The following LOXL2 variants were observed in gnomAD, a reference collection of about 807,000 sequenced individuals.
The protein encoded by LOXL2 is lysyl oxidase homolog 2.
Under a neutral mutation model 93.0 loss-of-function variants are expected in LOXL2, and 70 were observed. The observed-to-expected ratio is 0.75, with a 90% CI of 0.62 to 0.92. LOXL2 has a LOEUF of 0.92. LOXL2 is among the 40% of genes least tolerant of loss of function. The pLI, the probability that LOXL2 is intolerant of heterozygous loss-of-function variation, is 0.00. For synonymous variants in LOXL2, 438 were observed against 413.2 expected, an observed-to-expected ratio of 1.06 and a Z score of -0.73; for missense variants, 973 against 1,054.9, an observed-to-expected ratio of 0.92 and a Z score of 1.08.
chr8:23,312,905 T>A (rs1380969753), intron 9 of LOXL2, among the ~76,000 whole-genome samples: 1 of 130,164 alleles, frequency 7.7e-6, no homozygotes, highest in East Asian at 2.2e-4. Flanking sequence ...AAAACCCCAT[T>A]GTCTCAGCCC....
chr8:23,396,351 CAAAA>C (rs71548893), intron 1 of LOXL2, among the ~76,000 whole-genome samples: 3 of 142,492 alleles, frequency 2.1e-5, no homozygotes, highest in Non-Finnish European at 3.1e-5. Flanking sequence ...AACAAACAAA[CAAAA>C]AAACGAGAGA....
chr8:23,302,311 G>A (rs1803148003), intron 11 of LOXL2, 148 bp from the exon 12 acceptor site: 6 of 905,744 alleles, frequency 6.6e-6, no homozygotes, highest in Non-Finnish European at 1.0e-5. Flanking sequence ...TCTCATTTCA[G>A]TAGAACCCCC....
In LOXL2 at chr8:23,297,838, G is replaced by T; in HGVS notation, c.*205C>A. 1 of 539,448 alleles carries T rather than the reference G, an allele frequency of 1.9e-6. No individual in the cohort carries two copies. 33.4% of individuals were successfully genotyped at this position (539,448 alleles called of 1,614,324 possible). On this transcript the variant is annotated 3_prime_UTR_variant, in exon 14 of 14. Coordinates refer to ENST00000389131, the MANE Select transcript of LOXL2 (RefSeq NM_002318.3). ...ACCCCACCCCCGCAAGGCCTTCTCA[G>T]GCCCCAAGGGTCAGGTAGCAGCCCC...
intron 10 of LOXL2, among the ~76,000 whole-genome samples, chr8:23,308,312 C>T (rs4872102): frequency 1.3e-5 from 2 of 152,124 alleles, no homozygotes; most frequent in African/African-American, 2.4e-5. Flanking sequence ...GCTGATGTGT[C>T]GGTCTGCCAC....
At chr8:23,340,083 G>A (rs1790499742) in intron 4 of LOXL2, among the ~76,000 whole-genome samples, 1 of 152,182 alleles carries the variant, frequency 6.6e-6, no homozygotes, top group Non-Finnish European at 1.5e-5. Context: ...CTAAGAGTGT[G>A]GACCCTATAG....
At chr8:23,332,499 TACAC>T (rs374235477) in intron 5 of LOXL2, among the ~76,000 whole-genome samples, 7 of 33,194 alleles carry the variant, frequency 2.1e-4, no homozygotes, top group Admixed American at 4.7e-4. Context: ...CCCCCACTCA[TACAC>T]ACACATACAC....
intron 1 of LOXL2, among the ~76,000 whole-genome samples, chr8:23,379,172 C>A (rs1205503455): frequency 1.3e-5 from 2 of 152,206 alleles, no homozygotes; most frequent in Non-Finnish European, 1.5e-5. Context: ...CCCTCAGCTG[C>A]AGGTCTGTTG....
chr8:23,333,475 C>T lies in LOXL2; in HGVS notation c.892G>A (p.Val298Met), dbSNP rs770829542. The T allele has an allele frequency of 1.4e-5, 22 of 1,613,880 alleles. No homozygotes were observed. The highest frequency in any genetic ancestry group is 1.6e-4 in the Middle Eastern group (1 of 6,084). The change falls in exon 5 of 14, where the codon GTG becomes ATG. Residue 298 changes from valine (V) to methionine (M), a missense_variant. Physicochemically the swap from Val to Met is conservative, Grantham distance 21 (BLOSUM62 1). Coordinates refer to ENST00000389131, the MANE Select transcript of LOXL2 (RefSeq NM_002318.3). Reference protein sequence around the residue: ...NVTCENGLPAVVSCVPGQVFS... With the variant: ...NVTCENGLPAMVSCVPGQVFS... ...ACCTGCCCAGGCACACAACTCACCACGGCCGGTAGCCCATTCTCGCAGGTG... is the reference window on the plus strand; with the variant it reads ...ACCTGCCCAGGCACACAACTCACCATGGCCGGTAGCCCATTCTCGCAGGTG...
intron 3 of LOXL2, among the ~76,000 whole-genome samples, chr8:23,344,834 G>A (rs17089136): frequency 0.41 from 62,722 of 152,024 alleles, 14,057 homozygotes; most frequent in African/African-American, 0.6. Context: ...AAACTGGACC[G>A]TCTTCTCTTC....
intron 3 of LOXL2, among the ~76,000 whole-genome samples, chr8:23,347,489 C>T (rs1044757205): frequency 1.3e-4 from 20 of 151,946 alleles, no homozygotes; most frequent in African/African-American, 4.8e-4. Flanking sequence ...GAAACCTCGT[C>T]TCTACTAAAA....
chr8:23,333,675 G>A (rs7819977), intron 4 of LOXL2, 52 bp from the exon 5 acceptor site: 45,009 of 1,432,338 alleles, frequency 0.031, 2,410 homozygotes, highest in East Asian at 0.22. Context: ...CGCCTACCCC[G>A]ATTCCTTCTG....
At chr8:23,397,960 C>CAAAAAA (rs11295140) in intron 1 of LOXL2, among the ~76,000 whole-genome samples, 20 of 91,008 alleles carry the variant, frequency 2.2e-4, no homozygotes, top group Non-Finnish European at 2.6e-4. Context: ...GACTCTGTCT[C>CAAAAAA]AAAAAAAAAA....
At chr8:23,324,252 C>G (rs1044542945) in intron 6 of LOXL2, among the ~76,000 whole-genome samples, 2 of 152,070 alleles carry the variant, frequency 1.3e-5, no homozygotes, top group Non-Finnish European at 2.9e-5. Context: ...GCTGTCTCAG[C>G]CATCTGGGGT....
At position 23,341,139 on chromosome 8, in the gene LOXL2, G is replaced by T; in HGVS notation, c.596C>A (p.Thr199Asn). 2 of 1,613,928 alleles carry T rather than the reference G, an allele frequency of 1.2e-6. No homozygotes were observed. Among genetic ancestry groups the T allele is most frequent in the Middle Eastern group, 1.7e-4 (1 of 5,874 alleles). ...CTCCACGTAGCCCTCCATCACTGGG[G>T]TGCGCTTGCGGTAGGTTGAGAGGAT... ...RAILSTYRKRTPVMEGYVEVK... is the reference protein window; with the variant it reads ...RAILSTYRKRNPVMEGYVEVK... Residue 199 changes from threonine to asparagine, a missense_variant, in exon 4 of 14, where the codon ACC becomes AAC. Thr to Asn is a moderately conservative substitution (Grantham distance 65, BLOSUM62 0). Coordinates refer to ENST00000389131, the MANE Select transcript of LOXL2 (RefSeq NM_002318.3).
intron 4 of LOXL2, among the ~76,000 whole-genome samples, chr8:23,339,633 T>A (rs1027153944): frequency 3.9e-5 from 6 of 152,068 alleles, no homozygotes; most frequent in Non-Finnish European, 7.4e-5. Flanking sequence ...GTAGGAAGCC[T>A]GCCAGGGAGG....
At chr8:23,345,067 A>G (rs570389994) in intron 3 of LOXL2, among the ~76,000 whole-genome samples, 2 of 152,308 alleles carry the variant, frequency 1.3e-5, no homozygotes, top group South Asian at 4.1e-4. Flanking sequence ...AAAACTTTAC[A>G]TCCACTCCAT....
intron 4 of LOXL2, chr8:23,336,167 C>G (rs1803788065): frequency 6.6e-6 from 1 of 152,410 alleles, no homozygotes; most frequent in African/African-American, 2.4e-5. Context: ...TGCCTTGGCT[C>G]AGGAAAACCC....
chr8:23,307,717 G>GAGCC (rs1346958651), intron 10 of LOXL2, among the ~76,000 whole-genome samples: 6 of 152,114 alleles, frequency 3.9e-5, no homozygotes, highest in African/African-American at 1.4e-4. Flanking sequence ...TCCCCGAAGG[G>GAGCC]AGCCAAGCAC....
chr8:23,351,879 T>C (rs10099563), intron 3 of LOXL2, among the ~76,000 whole-genome samples: 130,434 of 152,238 alleles, frequency 0.86, 56,243 homozygotes, highest in African/African-American at 0.94. Flanking sequence ...CTCGCTCTGT[T>C]GCCCAGGCTG....
Sources: allele counts gnomAD v4.1 joint callset (sites outside exome capture counted in the v4.1 genomes callset), GRCh38; gene constraint gnomAD v4.1.1; transcripts MANE v1.5; gene names NCBI Gene and HGNC (gene_info 2026-07-23, HGNC 2026-07-21).